The following DLG2 variants were observed in gnomAD, a reference collection of about 807,000 sequenced individuals.
The protein encoded by DLG2 is disks large homolog 2.
Under a neutral mutation model 132.5 loss-of-function variants are expected in DLG2, and 45 were observed. That is an observed-to-expected ratio of 0.34 (90% confidence interval 0.27 to 0.44). The LOEUF is 0.44. DLG2 is among the 20% of genes least tolerant of loss of function. The probability of loss-of-function intolerance (pLI) is 1.00; values close to 1 mark genes in which losing one functional copy is unlikely to be tolerated. For missense variants in DLG2, 1,045 were observed against 1,196.9 expected, an observed-to-expected ratio of 0.87 and a Z score of 1.87; for synonymous variants, 424 against 419.6, an observed-to-expected ratio of 1.01 and a Z score of -0.13.
At chr11:84,013,013 C>G (rs1319469446) in intron 11 of DLG2, among the ~76,000 whole-genome samples, 2 of 152,052 alleles carry the variant, frequency 1.3e-5, no homozygotes, top group Non-Finnish European at 2.9e-5. Context: ...GGTTGTCTGT[C>G]CCTATAAATG....
At chr11:84,148,367 C>T (rs1412665076) in intron 9 of DLG2, among the ~76,000 whole-genome samples, 3 of 151,996 alleles carry the variant, frequency 2.0e-5, no homozygotes, top group African/African-American at 7.3e-5. Context: ...GCCTTGCAAC[C>T]TTCCCTCCTT....
intron 1 of DLG2, 48 bp downstream of exon 1, chr11:85,627,170 C>T (rs1376990673): frequency 1.3e-5 from 2 of 152,166 alleles, no homozygotes; most frequent in African/African-American, 4.8e-5. Context: ...GCAGAACACA[C>T]ATTGAAAGGC....
chr11:85,248,431 T>C (rs550281031), intron 4 of DLG2, among the ~76,000 whole-genome samples: 1 of 152,232 alleles, frequency 6.6e-6, no homozygotes, highest in Admixed American at 6.6e-5. Flanking sequence ...TAAAGATTTT[T>C]TTTACCTTTT....
At chr11:84,695,430 G>T (rs770303737) in intron 6 of DLG2, among the ~76,000 whole-genome samples, 3 of 151,506 alleles carry the variant, frequency 2.0e-5, no homozygotes, top group Non-Finnish European at 4.4e-5. Flanking sequence ...ATACCACATT[G>T]AAAGTATTTA....
At chr11:85,154,705 A>T in intron 4 of DLG2, 54 bp from the exon 5 acceptor site, 1 of 863,112 alleles carries the variant, frequency 1.2e-6, no homozygotes, top group Non-Finnish European at 1.8e-6. Flanking sequence ...TGCAATGTAT[A>T]TTGTTTTCAA....
intron 7 of DLG2, among the ~76,000 whole-genome samples, chr11:84,336,422 C>A (rs182148519): frequency 9.9e-5 from 15 of 152,142 alleles, no homozygotes; most frequent in African/African-American, 3.4e-4. Context: ...TTCATGTTTG[C>A]TTGTCATGCC....
intron 4 of DLG2, among the ~76,000 whole-genome samples, chr11:85,277,693 T>C (rs993230261): frequency 1.4e-5 from 2 of 146,266 alleles, no homozygotes; most frequent in African/African-American, 4.9e-5. Flanking sequence ...ACAAGTTAGT[T>C]TGAGTGTATT....
At chr11:84,829,009 G>T (rs2078683203) in intron 6 of DLG2, among the ~76,000 whole-genome samples, 1 of 151,574 alleles carries the variant, frequency 6.6e-6, no homozygotes, top group Non-Finnish European at 1.5e-5. Context: ...CTTTTCAACA[G>T]AACCCGCCTC....
chr11:83,741,729 C>T (rs536153062), intron 18 of DLG2, among the ~76,000 whole-genome samples: 5 of 152,200 alleles, frequency 3.3e-5, no homozygotes, highest in South Asian at 2.1e-4. Flanking sequence ...GCCATACTGG[C>T]TGGGTGCAGT....
At chr11:85,625,849 T>C (rs2082002163) in intron 2 of DLG2, among the ~76,000 whole-genome samples, 1 of 152,196 alleles carries the variant, frequency 6.6e-6, no homozygotes, top group Non-Finnish European at 1.5e-5. Flanking sequence ...CTAGGATCCT[T>C]TGGAACAAAG....
chr11:83,930,876 G>A (rs1008973238), intron 14 of DLG2, among the ~76,000 whole-genome samples: 4 of 152,174 alleles, frequency 2.6e-5, no homozygotes, highest in Admixed American at 6.5e-5. Context: ...AGACCATGAA[G>A]CAAACTTGAG....
intron 19 of DLG2, among the ~76,000 whole-genome samples, chr11:83,546,195 T>C (rs891528501): frequency 7.2e-5 from 11 of 152,160 alleles, no homozygotes; most frequent in African/African-American, 1.2e-4. Flanking sequence ...GGCTGTGAGA[T>C]ACCTGGGTAC....
Position 83,786,716 on chromosome 11 carries a change from G to T in DLG2, c.1799C>A (p.Thr600Lys), listed in dbSNP as rs201665564. Residue 600 changes from threonine (T) to lysine (K), a missense_variant, in exon 18 of 28, where the codon ACG (threonine) becomes AAG (lysine). Coordinates refer to ENST00000376104, the MANE Select transcript of DLG2 (RefSeq NM_001142699.3). The part of the protein sequence containing the change: ...AALKGAGQTV[T>K]IIAQYQPEDY... ...TTCAGGTTGATATTGTGCTATAATC[G>T]TCACTGTCTGTCCAGCCCCCTTTAG... 1 of 1,613,968 alleles carries T rather than the reference G, an allele frequency of 6.2e-7. No homozygotes were observed.
intron 16 of DLG2, among the ~76,000 whole-genome samples, chr11:83,868,338 A>G (rs1163682483): frequency 6.6e-6 from 1 of 152,086 alleles, no homozygotes; most frequent in African/African-American, 2.4e-5. Flanking sequence ...TCTTTATTGG[A>G]CTATAAGTCA....
intron 6 of DLG2, among the ~76,000 whole-genome samples, chr11:85,007,085 T>C (rs1417384561): frequency 6.6e-6 from 1 of 152,182 alleles, no homozygotes; most frequent in Non-Finnish European, 1.5e-5. Context: ...TTTATTCTTA[T>C]GAAACTCCGT....
At chr11:85,578,555 T>C (rs188218696) in intron 3 of DLG2, among the ~76,000 whole-genome samples, 1 of 151,784 alleles carries the variant, frequency 6.6e-6, no homozygotes, top group African/African-American at 2.4e-5. Context: ...AAAAAATACA[T>C]TAAAAGGTGG....
At chr11:84,080,599 C>A (rs2096888024) in intron 10 of DLG2, among the ~76,000 whole-genome samples, 1 of 152,178 alleles carries the variant, frequency 6.6e-6, no homozygotes, top group Non-Finnish European at 1.5e-5. Context: ...GGACTAATGA[C>A]TATCAAATAG....
At position 84,934,540 on chromosome 11, in the gene DLG2, T is replaced by TTTTTTTTTTTTTTC. The variant is rs2048506991; in HGVS notation, c.357+177120_357+177121insGAAAAAAAAAAAAA. The stretch of plus-strand genomic sequence containing the variant: ...GTTTTGTTTTGTTTTTTTTTTTTTT[T>TTTTTTTTTTTTTTC]TTTTTTGGTGGGTAGGCTATTTATT... On this transcript the variant is annotated intron_variant, in intron 6 of 27. Transcript: ENST00000376104. 1.4e-5 allele frequency among the ~76,000 whole-genome samples: 2 copies of TTTTTTTTTTTTTTC among 140,044 alleles called. 1 individual carries two copies. Among genetic ancestry groups the TTTTTTTTTTTTTTC allele is most frequent in the Non-Finnish European group, 3.1e-5 (2 of 65,040 alleles). 91.9% of individuals were successfully genotyped at this position (140,044 alleles called of 152,430 possible).
intron 6 of DLG2, among the ~76,000 whole-genome samples, chr11:84,594,001 C>G (rs570299840): frequency 6.6e-6 from 1 of 151,978 alleles, no homozygotes; most frequent in African/African-American, 2.4e-5. Context: ...ATTAATTTTC[C>G]CAAGAAATGC....
Sources: gnomAD v4.1 joint callset for allele counts (sites outside exome capture counted in the v4.1 genomes callset) on GRCh38, gnomAD v4.1.1 for gene constraint, MANE v1.5 for transcripts, NCBI Gene and HGNC (gene_info 2026-07-23, HGNC 2026-07-21) for gene names.